Variants in STARD9 observed in about 807,000 individuals in gnomAD.
STARD9 encodes stAR-related lipid transfer protein 9.
A neutral mutation model predicts 399.8 loss-of-function variants in STARD9; 346 were observed. That is an observed-to-expected ratio of 0.87 (90% CI 0.79 to 0.95). The LOEUF (loss-of-function observed/expected upper bound fraction) is 0.95, where lower values mean the gene tolerates loss of function less well. Among genes scored for constraint, STARD9 ranks in the 40% least tolerant of loss-of-function variants. The probability of loss-of-function intolerance (pLI) is 0.00; values close to 1 mark genes in which losing one functional copy is unlikely to be tolerated. For synonymous variants in STARD9, 2,203 were observed against 2,143.5 expected, an observed-to-expected ratio of 1.03 and a Z score of -0.77; for missense variants, 5,832 against 5,667.5, an observed-to-expected ratio of 1.03 and a Z score of -0.93.
intron 7 of STARD9, 27 bp from the exon 8 acceptor site, chr15:42,650,989 C>CT (rs2059751695): frequency 1.4e-6 from 2 of 1,457,396 alleles, no homozygotes; most frequent in Non-Finnish European, 1.8e-6. Context: ...CATTTAATTT[C>CT]TTTTTTCCGT....
rs919629104 is a variant in STARD9, at chr15:42,637,550, C to T, written c.352-357C>T. ...TTTTGAATACTCATATACTCTTGTC[C>T]GCCTGTAAGGACTGGAGGTATAGGG... On this transcript the variant is annotated intron_variant, in intron 4 of 32. Coordinates refer to ENST00000290607, the MANE Select transcript of STARD9 (RefSeq NM_020759.3). 7.9e-5 allele frequency among the ~76,000 whole-genome samples: 12 copies of T among 152,218 alleles called. 1 individual carries two copies. Among genetic ancestry groups the T allele is most frequent in the African/African-American group, 2.4e-4 (10 of 41,534 alleles).
intron 3 of STARD9, among the ~76,000 whole-genome samples, chr15:42,585,985 A>G (rs907141622): frequency 1.3e-5 from 2 of 152,208 alleles, no homozygotes; most frequent in African/African-American, 4.8e-5. Context: ...TTCTTATGAT[A>G]CTTTTGTCTG....
At chr15:42,635,116 A>C (rs2059394931) in intron 4 of STARD9, 144 bp downstream of exon 4, 1 of 510,118 alleles carries the variant, frequency 2.0e-6, no homozygotes, top group Non-Finnish European at 3.4e-6. Flanking sequence ...TTTAAGAATG[A>C]GTTTTTCGGC....
At chr15:42,649,336 A>G (rs896761975) in intron 7 of STARD9, among the ~76,000 whole-genome samples, 2 of 151,958 alleles carry the variant, frequency 1.3e-5, no homozygotes, top group African/African-American at 2.4e-5. Context: ...CTCCCTCCAT[A>G]TTTTTAATCT....
At chr15:42,641,041 A>G (rs1238928672) in intron 7 of STARD9, among the ~76,000 whole-genome samples, 1 of 152,182 alleles carries the variant, frequency 6.6e-6, no homozygotes, top group Non-Finnish European at 1.5e-5. Context: ...CTGTATATCA[A>G]GAACCTGGAA....
chr15:42,682,285 G>T lies in STARD9; in HGVS notation c.2247G>T (p.Gln749His), dbSNP rs890515837. The T allele has an allele frequency of 1.3e-6, 2 of 1,537,272 alleles. No homozygotes were observed. The highest frequency in any genetic ancestry group is 1.7e-4 in the Middle Eastern group (1 of 5,988). ...GTCAGAAAAGGGTGGTGCACCTGCA[G>T]CTCCTGCGGAGACACACTCTTCGGG... Reference protein sequence around the residue: ...VQSQKRVVHLQLLRRHTLRAA... With the variant: ...VQSQKRVVHLHLLRRHTLRAA... The change falls in exon 22 of 33, where the codon CAG becomes CAT. Residue 749 changes from glutamine to histidine, a missense_variant. Physicochemically the swap from Gln to His is conservative, Grantham distance 24. Transcript: ENST00000290607.
At chr15:42,654,233 G>A (rs1238476812) in intron 9 of STARD9, among the ~76,000 whole-genome samples, 1 of 152,138 alleles carries the variant, frequency 6.6e-6, no homozygotes, top group African/African-American at 2.4e-5. Flanking sequence ...ATCAGACATG[G>A]ATGGTTCTGA....
chr15:42,598,100 C>T (rs1307702578), intron 3 of STARD9, among the ~76,000 whole-genome samples: 3 of 150,940 alleles, frequency 2.0e-5, no homozygotes, highest in Admixed American at 6.6e-5. Flanking sequence ...GGTGCGATCT[C>T]GGCTCACTGC....
At chr15:42,624,784 G>C (rs1282730357) in intron 3 of STARD9, among the ~76,000 whole-genome samples, 1 of 152,010 alleles carries the variant, frequency 6.6e-6, no homozygotes, top group Admixed American at 6.6e-5. Flanking sequence ...CCTGACCTCA[G>C]GTGATTCACC....
intron 9 of STARD9, among the ~76,000 whole-genome samples, chr15:42,656,778 A>C (rs572428417): frequency 1.3e-5 from 2 of 152,304 alleles, no homozygotes; most frequent in Non-Finnish European, 2.9e-5. Context: ...CTATGAGGAC[A>C]CAAAGGCATA....
intron 26 of STARD9, among the ~76,000 whole-genome samples, chr15:42,709,066 G>T (rs1440702690): frequency 6.6e-6 from 1 of 152,108 alleles, no homozygotes; most frequent in Non-Finnish European, 1.5e-5. Context: ...GTGGTTGGGG[G>T]TCTCTCCACT....
chr15:42,584,616 C>T (rs1004529861), intron 2 of STARD9, among the ~76,000 whole-genome samples: 5 of 152,170 alleles, frequency 3.3e-5, no homozygotes, highest in Admixed American at 3.3e-4. Flanking sequence ...TAAGATAAGG[C>T]ATTTCTGTGA....
intron 26 of STARD9, among the ~76,000 whole-genome samples, chr15:42,701,033 G>A (rs748015618): frequency 2.0e-5 from 3 of 152,144 alleles, no homozygotes; most frequent in Non-Finnish European, 4.4e-5. Context: ...TCCCTTGTGT[G>A]TTCTTAGTGT....
chr15:42,676,972 G>C (rs1190704810), intron 20 of STARD9, among the ~76,000 whole-genome samples: 2 of 151,918 alleles, frequency 1.3e-5, no homozygotes, highest in Admixed American at 6.6e-5. Flanking sequence ...TCTGATCAGG[G>C]CTGGGCACGG....
Position 42,693,897 on chromosome 15 carries a change from C to T in STARD9, c.12319C>T (p.Pro4107Ser), listed in dbSNP as rs777776702. ...AGLRGSALGL[P>S]QACQPEELLC... Reference sequence around the variant, plus strand: ...GCTCCGAGGTTCTGCCTTGGGCCTCCCTCAGGCCTGCCAACCTGAGGAGTT... The same window carrying T: ...GCTCCGAGGTTCTGCCTTGGGCCTCTCTCAGGCCTGCCAACCTGAGGAGTT... Residue 4107 changes from proline (P) to serine (S), a missense_variant, in exon 23 of 33, where the codon CCT (proline) becomes TCT (serine). Physicochemically the swap from Pro to Ser is moderately conservative, Grantham distance 74. This residue lies in a region of STARD9 where 5,828 missense variants were observed against 5,651.1 expected (regional missense o/e 1.03). Coordinates refer to ENST00000290607, the MANE Select transcript of STARD9 (RefSeq NM_020759.3). 1.7e-5 allele frequency: 26 copies of T among 1,527,640 alleles called. No individual in the cohort carries two copies. In the South Asian group the frequency reaches 2.5e-4, roughly 15 times the overall value. 94.6% of individuals were successfully genotyped at this position (1,527,640 alleles called of 1,614,324 possible).
Position 42,665,805 on chromosome 15 carries a change from G to C in STARD9, c.1274G>C (p.Ser425Thr). 3 of 1,537,190 alleles carry C rather than the reference G, an allele frequency of 2.0e-6. No individual in the cohort carries two copies. Among genetic ancestry groups the C allele is most frequent in the Non-Finnish European group, 2.6e-6 (3 of 1,146,852 alleles). The change falls in exon 15 of 33, where the codon AGT becomes ACT. Residue 425 changes from serine to threonine, a missense_variant. This residue lies in a region of STARD9 where 5,828 missense variants were observed against 5,651.1 expected (regional missense o/e 1.03). Transcript: ENST00000290607. ...SFELRNFSSL[S>T]DENLKELVLQ... ...GTGCAGAGAAACTTCAGTTCATTGAGTGATGAAAACCTGAAGGAGCTGGTT... is the reference window on the plus strand; with the variant it reads ...GTGCAGAGAAACTTCAGTTCATTGACTGATGAAAACCTGAAGGAGCTGGTT...
intron 3 of STARD9, among the ~76,000 whole-genome samples, chr15:42,630,932 T>G (rs1255472032): frequency 6.6e-6 from 1 of 151,972 alleles, no homozygotes; most frequent in East Asian, 1.9e-4. Flanking sequence ...CTGCTCTAAG[T>G]TTTTTTCTTC....
chr15:42,674,614 C>T (rs1231446785), intron 17 of STARD9, 123 bp downstream of exon 17: 1 of 1,194,638 alleles, frequency 8.4e-7, no homozygotes, highest in East Asian at 2.6e-5. Context: ...GGGCCTGCTT[C>T]TCTTTCTGCT....
chr15:42,652,653 C>A, intron 9 of STARD9, 61 bp downstream of exon 9: 2 of 1,366,000 alleles, frequency 1.5e-6, no homozygotes, highest in South Asian at 2.5e-5. Context: ...AAACCACTTT[C>A]TTGTCTTCCT....
Sources: gnomAD v4.1 joint callset for allele counts (sites outside exome capture counted in the v4.1 genomes callset) on GRCh38, gnomAD v4.1.1 for gene constraint, gnomAD v4.1.1 regional missense constraint, MANE v1.5 for transcripts, NCBI Gene and HGNC (gene_info 2026-07-23, HGNC 2026-07-21) for gene names.